RBSN: variants seen among roughly 807,000 people sequenced by gnomAD.
RBSN encodes rabenosyn, RAB effector, also known as rabenosyn-5.
A neutral mutation model predicts 60.5 loss-of-function variants in RBSN; 34 were observed. The observed-to-expected ratio is 0.56, with a 90% CI of 0.43 to 0.75. The LOEUF (loss-of-function observed/expected upper bound fraction) is 0.75, where lower values mean the gene tolerates loss of function less well. RBSN is among the 30% of genes least tolerant of loss of function. The probability of loss-of-function intolerance (pLI) is 0.00; values close to 1 mark genes in which losing one functional copy is unlikely to be tolerated. For synonymous variants in RBSN, 322 were observed against 366.9 expected, an observed-to-expected ratio of 0.88 and a Z score of 1.40; for missense variants, 845 against 986.8, an observed-to-expected ratio of 0.86 and a Z score of 1.92.
chr3:15,070,228 T>C lies in RBSN; in HGVS notation c.*3554A>G, dbSNP rs1453999142. 1 of 152,660 alleles carries C rather than the reference T, an allele frequency of 6.6e-6. No homozygotes were observed. The highest frequency in any genetic ancestry group is 2.4e-5 in the African/African-American group (1 of 41,446). 9.5% of individuals were successfully genotyped at this position (152,660 alleles called of 1,614,324 possible). A position where few individuals can be genotyped will look rare whatever the true frequency, so the allele number is the denominator to read the frequency against. ...CTGGTAAAGAGACCACCTTTTCATT[T>C]TGAGTCCCATCACCAACTATGCCAA... On this transcript the variant is annotated 3_prime_UTR_variant, in exon 14 of 14. Transcript: ENST00000253699.
intron 12 of RBSN, among the ~76,000 whole-genome samples, chr3:15,076,018 C>T (rs1020446419): frequency 1.1e-4 from 16 of 152,190 alleles, no homozygotes; most frequent in African/African-American, 3.1e-4. Context: ...CCAGCCCTCT[C>T]TCCCACACTT....
At position 15,073,685 on chromosome 3, in the gene RBSN, A is replaced by T; in HGVS notation, c.*97T>A. The T allele has an allele frequency of 7.3e-7, 1 of 1,377,586 alleles. No homozygotes were observed. Among genetic ancestry groups the T allele is most frequent in the Non-Finnish European group, 9.8e-7 (1 of 1,020,928 alleles). The allele number at this position is 1,377,586 out of a possible 1,614,324, so 85.3% of individuals were successfully genotyped here. On this transcript the variant is annotated 3_prime_UTR_variant, in exon 14 of 14. Transcript: ENST00000253699. Reference sequence around the variant, plus strand: ...CTCACCTGTGTGCATCTGAGTTCTCACCCTGCCACCTTCCCCATCCATCCT... The same window carrying T: ...CTCACCTGTGTGCATCTGAGTTCTCTCCCTGCCACCTTCCCCATCCATCCT...
At chr3:15,096,892 A>G (rs1559355980) in intron 2 of RBSN, among the ~76,000 whole-genome samples, 182 bp from the exon 3 acceptor site, 1 of 152,218 alleles carries the variant, frequency 6.6e-6, no homozygotes, top group African/African-American at 2.4e-5. Flanking sequence ...CCTTTTTAAG[A>G]GACAGCATCT....
chr3:15,095,116 G>C (rs557198917), intron 4 of RBSN, among the ~76,000 whole-genome samples: 3 of 152,214 alleles, frequency 2.0e-5, no homozygotes, highest in Admixed American at 6.5e-5. Flanking sequence ...CTGGGCTCAA[G>C]TGATCCTCCT....
rs1406170753 is a variant in RBSN at position 15,081,016 on chromosome 3, CGTTTT to C, written c.841-219_841-215del. The C allele has an allele frequency of 1.3e-5, 7 of 523,644 alleles. No homozygotes were observed. The Admixed American group carries it at 2.0e-4, about 15-fold the overall frequency. 32.4% of individuals were successfully genotyped at this position (523,644 alleles called of 1,614,324 possible). ...GAATGGAGCTTCTGATCAGATGTTT[CGTTTT>C]GTTTTTTTTTGAGAAGGAATTTTGT... On this transcript the variant is annotated intron_variant, in intron 9 of 13. Coordinates refer to ENST00000253699, the MANE Select transcript of RBSN (RefSeq NM_022340.4).
intron 5 of RBSN, among the ~76,000 whole-genome samples, 193 bp downstream of exon 5, chr3:15,090,206 T>C (rs767299498): frequency 6.6e-5 from 10 of 152,348 alleles, no homozygotes; most frequent in African/African-American, 9.6e-5. Context: ...AGGCACTTAA[T>C]GTAGTGCCTA....
Position 15,085,948 on chromosome 3 carries a change from G to T in RBSN, c.303C>A (p.Ser101Arg), listed in dbSNP as rs1371592157. Reference protein sequence around the residue: ...WEPQELGAVRSHLSDFKKHRA... With the variant: ...WEPQELGAVRRHLSDFKKHRA... ...GGTGTTTTTTGAAGTCGGAAAGATG[G>T]CTTCTCACAGCACCTAGAGGGAAGG... is the stretch of plus-strand genomic sequence containing the variant. The change falls in exon 6 of 14, where the codon AGC (serine) becomes AGA (arginine). Residue 101 changes from serine to arginine, a missense_variant. Ser to Arg is a moderately radical substitution (Grantham distance 110). Transcript: ENST00000253699. The T allele has an allele frequency of 1.2e-6, 2 of 1,613,810 alleles. No individual in the cohort carries two copies. Among genetic ancestry groups the T allele is most frequent in the South Asian group, 1.1e-5 (1 of 91,068 alleles).
intron 5 of RBSN, among the ~76,000 whole-genome samples, chr3:15,088,301 A>T (rs2043401401): frequency 6.6e-6 from 1 of 152,200 alleles, no homozygotes; most frequent in Non-Finnish European, 1.5e-5. Flanking sequence ...GCTAATAAGA[A>T]TTCATGTGTC....
In RBSN at chr3:15,096,253, C is replaced by T. The variant is rs2043654521; in HGVS notation, c.-133G>A. The T allele has an allele frequency of 2.0e-6, 2 of 983,820 alleles. No individual in the cohort carries two copies. Among genetic ancestry groups the T allele is most frequent in the Non-Finnish European group, 2.8e-6 (2 of 721,578 alleles). The allele number at this position is 983,820 out of a possible 1,614,324, so 60.9% of individuals were successfully genotyped here. ...GATGGTGAGGAAGTGGCTTCATGGC[C>T]CTGGATGAGGTTTCCTCTCTGGAGT... On this transcript the variant is annotated 5_prime_UTR_variant, in exon 4 of 14. Transcript: ENST00000253699.
chr3:15,089,745 G>T (rs1412573226), intron 5 of RBSN, among the ~76,000 whole-genome samples: 1 of 151,528 alleles, frequency 6.6e-6, no homozygotes, highest in Non-Finnish European at 1.5e-5. Context: ...TGAGCAGCTG[G>T]GACTACAGGC....
rs1273594446 is a variant in RBSN at position 15,085,956 on chromosome 3, C to T, written c.295G>A (p.Val99Met). Residue 99 changes from valine to methionine, a missense_variant, in exon 6 of 14, where the codon GTG (valine) becomes ATG (methionine). Val to Met is a conservative substitution (Grantham distance 21). Coordinates refer to ENST00000253699, the MANE Select transcript of RBSN (RefSeq NM_022340.4). ...YMWEPQELGA[V>M]RSHLSDFKKH... ...TTGAAGTCGGAAAGATGGCTTCTCA[C>T]AGCACCTAGAGGGAAGGAAGGTAGG... is the stretch of plus-strand genomic sequence containing the variant. 4 of 1,613,874 alleles carry T rather than the reference C, an allele frequency of 2.5e-6. No individual in the cohort carries two copies. Among genetic ancestry groups the T allele is most frequent in the Non-Finnish European group, 1.7e-6 (2 of 1,179,894 alleles).
chr3:15,098,342 A>T (rs2043724063), intron 1 of RBSN, 68 bp from the exon 2 acceptor site: 3 of 146,048 alleles, frequency 2.1e-5, no homozygotes, highest in Non-Finnish European at 4.5e-5. Context: ...GAACTCCAAA[A>T]TCATATAACT....
intron 6 of RBSN, 77 bp downstream of exon 6, chr3:15,085,784 G>T (rs2043322344): frequency 8.4e-7 from 1 of 1,189,374 alleles, no homozygotes; most frequent in Non-Finnish European, 1.2e-6. Context: ...ATACAACACA[G>T]GCTATAGAAA....
intron 5 of RBSN, among the ~76,000 whole-genome samples, chr3:15,087,242 C>T (rs1348172911): frequency 1.3e-5 from 2 of 152,084 alleles, no homozygotes; most frequent in Admixed American, 6.5e-5. Flanking sequence ...AGGCCAGGTG[C>T]GGTGGCTCAT....
intron 8 of RBSN, among the ~76,000 whole-genome samples, chr3:15,083,960 T>A (rs960271906): frequency 2.0e-5 from 3 of 152,138 alleles, no homozygotes; most frequent in Admixed American, 6.6e-5. Flanking sequence ...TGAGTTTATA[T>A]CCCCTGATAG....
At chr3:15,099,006 C>G (rs2043749991) in intron 1 of RBSN, 29 bp downstream of exon 1, 1 of 152,544 alleles carries the variant, frequency 6.6e-6, no homozygotes, top group Non-Finnish European at 1.5e-5. Context: ...TCCCCGCCCC[C>G]CAGACTGGGC....
chr3:15,074,954 GAAGA>G lies in RBSN; in HGVS notation c.1207-28_1207-25del. 6.3e-7 allele frequency: 1 copy of G among 1,582,126 alleles called. No individual in the cohort carries two copies. Among genetic ancestry groups the G allele is most frequent in the Non-Finnish European group, 8.6e-7 (1 of 1,166,570 alleles). Reference sequence around the variant, plus strand: ...GCCTGGGGAGAGAGCAAAGCAGAGAGAAGAAACAGTCACTATGCTGGCAGCAGCC... The same window carrying G: ...GCCTGGGGAGAGAGCAAAGCAGAGAGAACAGTCACTATGCTGGCAGCAGCC... On this transcript the variant is annotated intron_variant, in intron 13 of 13. Transcript: ENST00000253699. This position sits in a 1 kb window ranked among gnomAD's most constrained non-coding sequence, Gnocchi z 6.4.
At chr3:15,076,226 A>G (rs1292411056) in intron 12 of RBSN, among the ~76,000 whole-genome samples, 1 of 152,198 alleles carries the variant, frequency 6.6e-6, no homozygotes, top group South Asian at 2.1e-4. Flanking sequence ...TGCTGAATAG[A>G]GTCACTAATC....
At chr3:15,075,292 A>G (rs2043025843) in intron 13 of RBSN, 1 of 613,786 alleles carries the variant, frequency 1.6e-6, no homozygotes, top group African/African-American at 1.8e-5. Flanking sequence ...GCATATACCG[A>G]TATGTTCTAC....
Sources: gnomAD v4.1 joint callset for allele counts (sites outside exome capture counted in the v4.1 genomes callset) on GRCh38, gnomAD v4.1.1 for gene constraint, Gnocchi (gnomAD v3.1) non-coding constraint, MANE v1.5 for transcripts, NCBI Gene and HGNC (gene_info 2026-07-23, HGNC 2026-07-21) for gene names.